Variants in NFILZ observed in about 807,000 individuals in gnomAD.
The protein encoded by NFILZ is NFIL3 like basic leucine zipper.
intron 3 of NFILZ, among the ~76,000 whole-genome samples, chr19:8,665,723 T>A (rs2043058923): frequency 6.6e-6 from 1 of 152,216 alleles, no homozygotes; most frequent in South Asian, 2.1e-4. Flanking sequence ...GCATCCTTGC[T>A]AGCATTAGGT....
At chr19:8,635,192 C>A (rs2042889260) in intron 2 of NFILZ, among the ~76,000 whole-genome samples, 1 of 151,744 alleles carries the variant, frequency 6.6e-6, no homozygotes, top group South Asian at 2.1e-4. Flanking sequence ...CACCTGTAAT[C>A]CCAGCTACTC....
At chr19:8,654,195 G>T (rs1299368015) in intron 3 of NFILZ, among the ~76,000 whole-genome samples, 1 of 151,966 alleles carries the variant, frequency 6.6e-6, no homozygotes, top group Non-Finnish European at 1.5e-5. Context: ...TCGTCTCATT[G>T]CACTCCAGCC....
At chr19:8,667,640 C>T (rs1314925833) in intron 3 of NFILZ, among the ~76,000 whole-genome samples, 1 of 152,048 alleles carries the variant, frequency 6.6e-6, no homozygotes, top group Non-Finnish European at 1.5e-5. Context: ...CTCCGCCTCT[C>T]GGGTTCAAGT....
rs1310482289 is a variant in NFILZ at position 8,633,176 on chromosome 19, A to G, written c.-261+551A>G. On this transcript the variant is annotated intron_variant, in intron 2 of 5. Coordinates refer to ENST00000691075, the MANE Select transcript of NFILZ (RefSeq NM_001378600.1). ...ATTGAGATTACAGATGTGCACCACC[A>G]TGCCCAGCTAATTTTTTGTATTTTC... Among the ~76,000 whole-genome samples the G allele has an allele frequency of 1.3e-5, 2 of 152,004 alleles. 1 individual carries two copies. Among genetic ancestry groups the G allele is most frequent in the Middle Eastern group, 6.8e-3 (2 of 294 alleles).
At chr19:8,642,916 T>C (rs2042924686) in intron 3 of NFILZ, among the ~76,000 whole-genome samples, 1 of 151,474 alleles carries the variant, frequency 6.6e-6, no homozygotes, top group East Asian at 1.9e-4. Flanking sequence ...AGTGGTTGGG[T>C]GTTGAATCGT....
In NFILZ at chr19:8,664,433, A is replaced by C. The variant is rs574058106; in HGVS notation, c.-163-10118A>C. Among the ~76,000 whole-genome samples, 7 of 149,578 alleles carry C rather than the reference A, an allele frequency of 4.7e-5. No individual in the cohort carries two copies. The South Asian group carries it at 1.1e-3, about 24-fold the overall frequency. ...GATGGGCTTGTGGGCTGGGCACGGGAGATACCAACGGCTTCCGGTCTCTTC... is the reference window on the plus strand; with the variant it reads ...GATGGGCTTGTGGGCTGGGCACGGGCGATACCAACGGCTTCCGGTCTCTTC... On this transcript the variant is annotated intron_variant, in intron 3 of 5. Transcript: ENST00000691075.
chr19:8,663,732 G>GTT (rs1600151849), intron 3 of NFILZ, among the ~76,000 whole-genome samples: 7 of 102,834 alleles, frequency 6.8e-5, no homozygotes, highest in Admixed American at 1.1e-4. Context: ...TTGTGTGTGT[G>GTT]TGTGTGTGTG....
intron 3 of NFILZ, among the ~76,000 whole-genome samples, chr19:8,650,846 C>T (rs1264352842): frequency 6.6e-6 from 1 of 152,056 alleles, no homozygotes; most frequent in African/African-American, 2.4e-5. Context: ...TACATGTAAA[C>T]TTCAACTTAG....
chr19:8,656,497 C>CCCACCTTCTCCT lies in NFILZ; in HGVS notation c.-163-18054_-163-18053insCCACCTTCTCCT, dbSNP rs1246521049. ...CCTTCTCCCGCAGCCCACCTTCTCC[C>CCCACCTTCTCCT]GCAGCCCACCTTCTCCTGCAGCCCA... On this transcript the variant is annotated intron_variant, in intron 3 of 5. Transcript: ENST00000691075. Among the ~76,000 whole-genome samples, 2 of 68,450 alleles carry CCCACCTTCTCCT rather than the reference C, an allele frequency of 2.9e-5. 1 individual carries two copies. The highest frequency in any genetic ancestry group is 3.2e-4 in the Admixed American group (2 of 6,282). 44.9% of individuals were successfully genotyped at this position (68,450 alleles called of 152,430 possible). A position where few individuals can be genotyped will look rare whatever the true frequency, so the allele number is the denominator to read the frequency against.
intron 3 of NFILZ, among the ~76,000 whole-genome samples, chr19:8,653,516 A>C (rs1465942522): frequency 6.6e-6 from 1 of 152,200 alleles, no homozygotes; most frequent in Non-Finnish European, 1.5e-5. Flanking sequence ...TAAATGTTCA[A>C]CTGCACGCAT....
chr19:8,679,320 G>A lies in NFILZ; in HGVS notation c.*1685G>A, dbSNP rs2043134496. 6.6e-6 allele frequency among the ~76,000 whole-genome samples: 1 copy of A among 150,574 alleles called. No homozygotes were observed. ...TTATTATTATTACATCAGGGATCTTGTTAGATTCTAGATAAAAATACTCAA... is the reference window on the plus strand; with the variant it reads ...TTATTATTATTACATCAGGGATCTTATTAGATTCTAGATAAAAATACTCAA... On this transcript the variant is annotated 3_prime_UTR_variant, in exon 6 of 6. Coordinates refer to ENST00000691075, the MANE Select transcript of NFILZ (RefSeq NM_001378600.1).
chr19:8,678,082 A>ATCCT lies in NFILZ; in HGVS notation c.*450_*451insTTCC, dbSNP rs2043122425. Among the ~76,000 whole-genome samples, 1 of 4,492 alleles carries ATCCT rather than the reference A, an allele frequency of 2.2e-4. No individual in the cohort carries two copies. The highest frequency in any genetic ancestry group is 4.8e-4 in the Non-Finnish European group (1 of 2,086). The allele number at this position is 4,492 out of a possible 152,430, so 2.9% of individuals were successfully genotyped here. ...CATCTATTCATCCATCCATCAATCC[A>ATCCT]TCCATCCATTCCATCCATCCATCCA... On this transcript the variant is annotated 3_prime_UTR_variant, in exon 6 of 6. Coordinates refer to ENST00000691075, the MANE Select transcript of NFILZ (RefSeq NM_001378600.1).
chr19:8,649,556 C>T (rs1326092970), intron 3 of NFILZ, among the ~76,000 whole-genome samples: 7 of 151,928 alleles, frequency 4.6e-5, no homozygotes, highest in Non-Finnish European at 7.4e-5. Context: ...CGTGAGCTAC[C>T]GTGCCCGGCA....
intron 3 of NFILZ, among the ~76,000 whole-genome samples, chr19:8,668,442 C>A (rs1236262031): frequency 1.3e-5 from 2 of 152,104 alleles, no homozygotes; most frequent in East Asian, 1.9e-4. Flanking sequence ...TCTTTCATAA[C>A]CTCCTGTTCT....
intron 3 of NFILZ, among the ~76,000 whole-genome samples, chr19:8,664,667 T>C (rs1179800676): frequency 6.6e-6 from 1 of 152,038 alleles, no homozygotes; most frequent in Non-Finnish European, 1.5e-5. Flanking sequence ...CCCGTGGAAA[T>C]GTGGCCCTTC....
chr19:8,670,180 C>T (rs186602638), intron 3 of NFILZ, among the ~76,000 whole-genome samples: 181 of 151,986 alleles, frequency 1.2e-3, no homozygotes, highest in Non-Finnish European at 1.4e-3. Flanking sequence ...CAGCTCACTG[C>T]AGCCTTGACT....
At chr19:8,652,976 C>T (rs2042972141) in intron 3 of NFILZ, among the ~76,000 whole-genome samples, 1,208 of 95,840 alleles carry the variant, frequency 0.013, 175 homozygotes, top group Middle Eastern at 0.031. Context: ...TCCCTCCTTC[C>T]TTCCTTCCTT....
At chr19:8,650,465 G>A (rs1340040918) in intron 3 of NFILZ, among the ~76,000 whole-genome samples, 1 of 151,870 alleles carries the variant, frequency 6.6e-6, no homozygotes, top group Non-Finnish European at 1.5e-5. Flanking sequence ...GACCAGCCTG[G>A]TCAACATGGC....
At position 8,679,993 on chromosome 19, in the gene NFILZ, C is replaced by T. The variant is rs564010644; in HGVS notation, c.*2358C>T. 9.2e-5 allele frequency among the ~76,000 whole-genome samples: 14 copies of T among 152,000 alleles called. No individual in the cohort carries two copies. Among genetic ancestry groups the T allele is most frequent in the African/African-American group, 1.9e-4 (8 of 41,452 alleles). On this transcript the variant is annotated 3_prime_UTR_variant, in exon 6 of 6. Coordinates refer to ENST00000691075, the MANE Select transcript of NFILZ (RefSeq NM_001378600.1). Reference sequence around the variant, plus strand: ...TGGATCTCACTTGAGGTCAGGAGTTCGAGACCAGCCTGGCCAACATGATGA... The same window carrying T: ...TGGATCTCACTTGAGGTCAGGAGTTTGAGACCAGCCTGGCCAACATGATGA...
Sources: allele counts gnomAD v4.1 joint callset (sites outside exome capture counted in the v4.1 genomes callset), GRCh38; gene constraint gnomAD v4.1.1; transcripts MANE v1.5; gene names NCBI Gene and HGNC (gene_info 2026-07-23, HGNC 2026-07-21).